The following DPP6 variants were observed in gnomAD, a reference collection of about 807,000 sequenced individuals.
DPP6 encodes dipeptidyl peptidase like 6, also known as A-type potassium channel modulatory protein DPP6.
DPP6 carries 69 observed loss-of-function variants against 122.6 expected under a neutral mutation model. That is an observed-to-expected ratio of 0.56 (90% confidence interval 0.46 to 0.69). DPP6 has a LOEUF of 0.69. Ranked by LOEUF, DPP6 falls within the 30% of genes least tolerant of loss-of-function variation. The pLI is 0.00. For missense variants in DPP6, 928 were observed against 1,116.9 expected, an observed-to-expected ratio of 0.83 and a Z score of 2.41; for synonymous variants, 418 against 433.1, an observed-to-expected ratio of 0.97 and a Z score of 0.43.
intron 7 of DPP6, among the ~76,000 whole-genome samples, chr7:154,717,528 C>T (rs994276544): frequency 6.6e-6 from 1 of 152,188 alleles, no homozygotes; most frequent in Non-Finnish European, 1.5e-5. Flanking sequence ...TTTCACTTAA[C>T]CTAGTGTCCT....
At position 154,607,756 on chromosome 7, in the gene DPP6, T is replaced by C. The variant is rs1474147776; in HGVS notation, c.628-30065T>C. Among the ~76,000 whole-genome samples the C allele has an allele frequency of 1.7e-5, 2 of 117,416 alleles. 1 individual carries two copies. The highest frequency in any genetic ancestry group is 3.8e-5 in the Non-Finnish European group (2 of 52,888). 77.0% of individuals were successfully genotyped at this position (117,416 alleles called of 152,430 possible). ...TAACATTTTCTTTTCTCTAGCTTGC[T>C]TTATTGCAAGAATACAGCATATAAT... On this transcript the variant is annotated intron_variant, in intron 5 of 25. Coordinates refer to ENST00000377770, the MANE Select transcript of DPP6 (RefSeq NM_130797.4).
chr7:154,504,896 A>C (rs534752817), intron 3 of DPP6, among the ~76,000 whole-genome samples: 1 of 152,020 alleles, frequency 6.6e-6, no homozygotes, highest in Non-Finnish European at 1.5e-5. Context: ...TAATATATGC[A>C]TATCTGGGTC....
At chr7:154,743,495 T>A (rs1188368319) in intron 8 of DPP6, among the ~76,000 whole-genome samples, 1 of 151,716 alleles carries the variant, frequency 6.6e-6, no homozygotes, top group Admixed American at 6.6e-5. Context: ...CGGAGCGGAG[T>A]GTGTGGTGAA....
the DPP6 span, among the ~76,000 whole-genome samples, chr7:153,812,241 A>T: frequency 6.6e-6 from 1 of 152,094 alleles, no homozygotes; most frequent in Non-Finnish European, 1.5e-5. Context: ...GATTCTTCTT[A>T]GGCCTGTGTT....
At chr7:154,023,318 GCACACACACACACACACACACACA>G (rs1554436897) in intron 1 of DPP6, among the ~76,000 whole-genome samples, 1 of 129,528 alleles carries the variant, frequency 7.7e-6, no homozygotes, top group Non-Finnish European at 1.6e-5. Flanking sequence ...TTTCTTGTCT[GCACACACACACACACACACACACA>G]CACACACACA....
intron 1 of DPP6, among the ~76,000 whole-genome samples, chr7:154,437,070 G>A (rs1818935031): frequency 6.6e-6 from 1 of 152,168 alleles, no homozygotes; most frequent in Admixed American, 6.5e-5. Context: ...ACCCCATGAA[G>A]ATGTCCGTAT....
intron 1 of DPP6, among the ~76,000 whole-genome samples, chr7:154,185,036 GTA>G (rs1343266669): frequency 1.3e-5 from 2 of 152,170 alleles, no homozygotes; most frequent in African/African-American, 4.8e-5. Context: ...GAAAATATGT[GTA>G]TATATGTTTT....
chr7:154,208,925 C>T (rs576935017), intron 1 of DPP6, among the ~76,000 whole-genome samples: 169 of 152,248 alleles, frequency 1.1e-3, no homozygotes, highest in South Asian at 2.3e-3. Flanking sequence ...TTATACACGT[C>T]TACTAAACTG....
At chr7:154,499,218 G>A (rs1480598099) in intron 3 of DPP6, among the ~76,000 whole-genome samples, 1 of 152,204 alleles carries the variant, frequency 6.6e-6, no homozygotes, top group Non-Finnish European at 1.5e-5. Flanking sequence ...CATTAGAGAA[G>A]AAAGGAGTAA....
intron 3 of DPP6, among the ~76,000 whole-genome samples, chr7:154,499,170 G>T (rs1333976401): frequency 6.6e-6 from 1 of 152,294 alleles, no homozygotes; most frequent in African/African-American, 2.4e-5. Flanking sequence ...AGGACAGAAT[G>T]GGTTTGGGGC....
At chr7:154,294,361 T>C (rs1186012739) in intron 1 of DPP6, among the ~76,000 whole-genome samples, 1 of 152,182 alleles carries the variant, frequency 6.6e-6, no homozygotes, top group Non-Finnish European at 1.5e-5. Context: ...CCAAGTGTTT[T>C]AGATTTCCAT....
At chr7:154,332,482 C>A in intron 1 of DPP6, among the ~76,000 whole-genome samples, 1 of 152,232 alleles carries the variant, frequency 6.6e-6, no homozygotes, top group East Asian at 1.9e-4. Flanking sequence ...CTCTCACGGG[C>A]TCCCAGGCCA....
At chr7:154,264,406 G>C (rs1325042636) in intron 1 of DPP6, among the ~76,000 whole-genome samples, 2 of 151,994 alleles carry the variant, frequency 1.3e-5, no homozygotes, top group African/African-American at 4.8e-5. Context: ...AGTCACAAAG[G>C]CTTGAGTTTA....
At chr7:154,018,599 A>T (rs1198561479) in intron 1 of DPP6, among the ~76,000 whole-genome samples, 1 of 152,272 alleles carries the variant, frequency 6.6e-6, no homozygotes, top group African/African-American at 2.4e-5. Context: ...AGTGGTTGCC[A>T]TGACATTACA....
At chr7:154,774,127 C>T (rs955517804) in intron 10 of DPP6, among the ~76,000 whole-genome samples, 12 of 152,194 alleles carry the variant, frequency 7.9e-5, no homozygotes, top group African/African-American at 2.7e-4. Flanking sequence ...GGTCTTCTCC[C>T]CAACATAGGA....
At chr7:154,780,908 G>A (rs1018111624) in intron 10 of DPP6, among the ~76,000 whole-genome samples, 3 of 152,140 alleles carry the variant, frequency 2.0e-5, no homozygotes, top group Non-Finnish European at 4.4e-5. Flanking sequence ...ATGCATGATG[G>A]ATGGGTAAGG....
intron 1 of DPP6, among the ~76,000 whole-genome samples, chr7:154,045,788 G>A (rs1291017610): frequency 6.6e-6 from 1 of 152,252 alleles, no homozygotes; most frequent in African/African-American, 2.4e-5. Flanking sequence ...TGTAGTATCA[G>A]TCTTGCTTCA....
chr7:153,791,439 C>G, the DPP6 span, among the ~76,000 whole-genome samples: 1 of 4,808 alleles, frequency 2.1e-4, no homozygotes, highest in Admixed American at 1.6e-3. Flanking sequence ...TTTTTTTTTT[C>G]AGATGGAGTC....
At chr7:153,919,314 G>A (rs1432422390) in intron 1 of DPP6, among the ~76,000 whole-genome samples, 1 of 152,160 alleles carries the variant, frequency 6.6e-6, no homozygotes, top group African/African-American at 2.4e-5. Context: ...CTCTCATGCA[G>A]CCTCCTGGGG....
Sources: allele counts gnomAD v4.1 joint callset (sites outside exome capture counted in the v4.1 genomes callset), GRCh38; gene constraint gnomAD v4.1.1; transcripts MANE v1.5; gene names NCBI Gene and HGNC (gene_info 2026-07-23, HGNC 2026-07-21).